TIAM2: variants seen among roughly 807,000 people sequenced by gnomAD.
The protein encoded by TIAM2 is TIAM Rac1 associated GEF 2.
Under a neutral mutation model 152.9 loss-of-function variants are expected in TIAM2, and 80 were observed. That is an observed-to-expected ratio of 0.52 (90% CI 0.44 to 0.63). The LOEUF (loss-of-function observed/expected upper bound fraction) is 0.63, where lower values mean the gene tolerates loss of function less well. Ranked by LOEUF, TIAM2 falls within the 30% of genes least tolerant of loss-of-function variation. The pLI, the probability that TIAM2 is intolerant of heterozygous loss-of-function variation, is 0.00. For synonymous variants in TIAM2, 804 were observed against 838.0 expected, an observed-to-expected ratio of 0.96 and a Z score of 0.70; for missense variants, 1,965 against 2,120.1, an observed-to-expected ratio of 0.93 and a Z score of 1.44.
chr6:155,080,768 G>A (rs1254955397), intron 1 of TIAM2, among the ~76,000 whole-genome samples: 1 of 152,124 alleles, frequency 6.6e-6, no homozygotes, highest in Non-Finnish European at 1.5e-5. Flanking sequence ...GTCAAAAATG[G>A]CGCCTTTTAA....
intron 17 of TIAM2, 39 bp downstream of exon 17, chr6:155,244,118 G>A (rs1257592362): frequency 3.2e-6 from 5 of 1,581,144 alleles, no homozygotes; most frequent in Non-Finnish European, 3.5e-6. Context: ...GTGATCCACA[G>A]GTTAGTCTCT....
intron 5 of TIAM2, among the ~76,000 whole-genome samples, chr6:155,140,891 T>A (rs1443390751): frequency 6.6e-6 from 1 of 152,166 alleles, no homozygotes; most frequent in African/African-American, 2.4e-5. Flanking sequence ...CCTTTTTGAT[T>A]TCTGTGCTAC....
intron 1 of TIAM2, chr6:155,022,447 G>C (rs1284610536): frequency 6.6e-6 from 1 of 152,266 alleles, no homozygotes; most frequent in Non-Finnish European, 1.5e-5. Flanking sequence ...CTACAGGTGT[G>C]CACCACCATG....
intron 1 of TIAM2, among the ~76,000 whole-genome samples, chr6:155,054,210 T>C (rs548419559): frequency 6.6e-6 from 1 of 152,050 alleles, no homozygotes; most frequent in Admixed American, 6.6e-5. Context: ...CCACTGTTGG[T>C]CTCTGTGAGC....
intron 7 of TIAM2, among the ~76,000 whole-genome samples, chr6:155,160,946 A>G (rs946839961): frequency 6.6e-6 from 1 of 152,180 alleles, no homozygotes; most frequent in African/African-American, 2.4e-5. Flanking sequence ...TTGTCTTGAA[A>G]CTTAATAAGA....
At chr6:155,238,665 C>T (rs938999900) in intron 15 of TIAM2, among the ~76,000 whole-genome samples, 5 of 152,228 alleles carry the variant, frequency 3.3e-5, no homozygotes, top group African/African-American at 4.8e-5. Flanking sequence ...ACCCTTTCAC[C>T]GAAGCCTTCC....
intron 2 of TIAM2, among the ~76,000 whole-genome samples, chr6:155,094,546 CTTTTTTTTTTTT>C (rs10694318): frequency 2.5e-5 from 2 of 79,940 alleles, no homozygotes; most frequent in Non-Finnish European, 4.4e-5. Context: ...TTCACTCAGA[CTTTTTTTTTTTT>C]TTTTTTTTTT....
intron 7 of TIAM2, among the ~76,000 whole-genome samples, chr6:155,153,628 T>TTC (rs1183899029): frequency 7.2e-6 from 1 of 138,938 alleles, no homozygotes; most frequent in African/African-American, 2.7e-5. Context: ...ACGCTTTTTT[T>TTC]TTTTTTTTTT....
At chr6:155,164,320 A>AT in intron 7 of TIAM2, 95 bp from the exon 8 acceptor site, 1 of 1,268,932 alleles carries the variant, frequency 7.9e-7, no homozygotes, top group South Asian at 1.5e-5. Context: ...GCCGAAACTA[A>AT]TTTTTTCTTC....
intron 1 of TIAM2, among the ~76,000 whole-genome samples, chr6:155,030,274 A>G (rs759936779): frequency 6.6e-6 from 1 of 152,160 alleles, no homozygotes; most frequent in African/African-American, 2.4e-5. Flanking sequence ...TGGAAAGAGA[A>G]CTTCACAACC....
rs570155133 is a variant in TIAM2, at chr6:155,193,353, G to A, written c.3064+9853G>A. Among the ~76,000 whole-genome samples the A allele has an allele frequency of 2.6e-5, 4 of 152,224 alleles. No homozygotes were observed. In the South Asian group the frequency reaches 6.2e-4, roughly 24 times the overall value. ...TGGGAGGTTGAGGCTTCAGTGAGCT[G>A]TGGATTGTGCCACCGCACTCAGCCT... On this transcript the variant is annotated intron_variant, in intron 14 of 26. Coordinates refer to ENST00000682666, the MANE Select transcript of TIAM2 (RefSeq NM_012454.4).
At chr6:155,110,588 G>A (rs1465420682) in intron 2 of TIAM2, among the ~76,000 whole-genome samples, 2 of 152,086 alleles carry the variant, frequency 1.3e-5, no homozygotes. Context: ...TCATCTGTCA[G>A]TCTCTTCCTG....
At chr6:155,177,530 A>G (rs1388747284) in intron 10 of TIAM2, among the ~76,000 whole-genome samples, 1 of 152,234 alleles carries the variant, frequency 6.6e-6, no homozygotes, top group Non-Finnish European at 1.5e-5. Context: ...ATTCAGCAAC[A>G]TCAGATCAGA....
chr6:155,168,859 T>A, intron 9 of TIAM2: 1 of 1,535,772 alleles, frequency 6.5e-7, no homozygotes, highest in Non-Finnish European at 8.7e-7. Flanking sequence ...TTGATTCAAG[T>A]GGCAGCCATG....
At chr6:155,137,080 T>C in intron 4 of TIAM2, 97 bp from the exon 5 acceptor site, 1 of 1,293,776 alleles carries the variant, frequency 7.7e-7, no homozygotes. Flanking sequence ...TGCATTACAT[T>C]ATCAGCAGCC....
chr6:155,194,266 A>G (rs747529140), intron 14 of TIAM2, among the ~76,000 whole-genome samples: 2 of 152,176 alleles, frequency 1.3e-5, no homozygotes, highest in African/African-American at 2.4e-5. Context: ...CAAATGGGGA[A>G]GAGGAGAAGG....
At chr6:155,106,375 C>T (rs1159338949) in intron 2 of TIAM2, among the ~76,000 whole-genome samples, 2 of 152,034 alleles carry the variant, frequency 1.3e-5, no homozygotes, top group Admixed American at 1.3e-4. Flanking sequence ...CACTCTGAAC[C>T]TCTGCTGTAT....
intron 1 of TIAM2, among the ~76,000 whole-genome samples, chr6:155,025,194 ATTT>A (rs781027891): frequency 2.5e-5 from 3 of 121,266 alleles, no homozygotes; most frequent in Non-Finnish European, 1.7e-5. Context: ...TAATTTTTGT[ATTT>A]TTTTTTTTTT....
chr6:155,245,886 G>A (rs904049822), intron 19 of TIAM2, among the ~76,000 whole-genome samples, 155 bp downstream of exon 19: 3 of 151,540 alleles, frequency 2.0e-5, no homozygotes, highest in Admixed American at 1.3e-4. Flanking sequence ...TAAAGGGAAA[G>A]GTTTCTGTTT....
Sources: gnomAD v4.1 joint callset for allele counts (sites outside exome capture counted in the v4.1 genomes callset) on GRCh38, gnomAD v4.1.1 for gene constraint, MANE v1.5 for transcripts, NCBI Gene and HGNC (gene_info 2026-07-23, HGNC 2026-07-21) for gene names.